Variants in GAREM1 observed in about 807,000 individuals in gnomAD.
The protein encoded by GAREM1 is GRB2-associated and regulator of MAPK protein 1.
In GAREM1, 26 loss-of-function variants were observed where a neutral mutation model predicts 71.3. That is an observed-to-expected ratio of 0.36 (90% confidence interval 0.27 to 0.51). The LOEUF is 0.51. GAREM1 is among the 20% of genes least tolerant of loss of function. The pLI, the probability that GAREM1 is intolerant of heterozygous loss-of-function variation, is 0.95. For synonymous variants in GAREM1, 440 were observed against 433.2 expected (o/e 1.02, Z -0.20); for missense variants, 1,026 against 1,103.1 (o/e 0.93, Z 0.99).
rs1346637573 is a variant in GAREM1, at chr18:32,401,573, G to C, written c.122-8538C>G. On this transcript the variant is annotated intron_variant, in intron 1 of 5. Transcript: ENST00000269209. ...TGAAGAATGAGTTGGGCTTAGATAA[G>C]AGAGAGGCAAAGGGGAACCACTGAA... Among the ~76,000 whole-genome samples, 4 of 152,006 alleles carry C rather than the reference G, an allele frequency of 2.6e-5. No homozygotes were observed. In the East Asian group the frequency reaches 7.7e-4, roughly 29 times the overall value.
chr18:32,340,783 G>C (rs1272196481), intron 2 of GAREM1, among the ~76,000 whole-genome samples: 1 of 152,094 alleles, frequency 6.6e-6, no homozygotes, highest in Non-Finnish European at 1.5e-5. Flanking sequence ...TAAAAGCCCA[G>C]GGCCATAAAG....
intron 1 of GAREM1, among the ~76,000 whole-genome samples, chr18:32,448,060 T>C (rs2144286877): frequency 6.6e-6 from 1 of 152,258 alleles, no homozygotes; most frequent in South Asian, 2.1e-4. Flanking sequence ...TAATAAAGAA[T>C]TGCTATGGTG....
chr18:32,353,302 G>A (rs911161608), intron 2 of GAREM1, among the ~76,000 whole-genome samples: 18 of 152,330 alleles, frequency 1.2e-4, no homozygotes, highest in Admixed American at 9.8e-4. Flanking sequence ...GGACACAGTA[G>A]TATGGCCTCC....
At chr18:32,328,255 G>C (rs2047492613) in intron 2 of GAREM1, among the ~76,000 whole-genome samples, 1 of 152,124 alleles carries the variant, frequency 6.6e-6, no homozygotes, top group Non-Finnish European at 1.5e-5. Flanking sequence ...TTTAAGATGA[G>C]TGATTTAGGA....
At chr18:32,362,429 C>T (rs1359170670) in intron 2 of GAREM1, among the ~76,000 whole-genome samples, 1 of 152,118 alleles carries the variant, frequency 6.6e-6, no homozygotes, top group Non-Finnish European at 1.5e-5. Context: ...TTTGAAATTA[C>T]ATATTTTCCT....
intron 1 of GAREM1, among the ~76,000 whole-genome samples, chr18:32,443,935 T>C (rs1436965811): frequency 6.6e-6 from 1 of 152,102 alleles, no homozygotes; most frequent in Non-Finnish European, 1.5e-5. Flanking sequence ...TATTCAGCCA[T>C]GAAAAGAAAT....
At chr18:32,294,106 A>C (rs1393903224) in intron 3 of GAREM1, among the ~76,000 whole-genome samples, 2 of 152,228 alleles carry the variant, frequency 1.3e-5, no homozygotes, top group Non-Finnish European at 2.9e-5. Context: ...CATCTGACCA[A>C]ATTGGAATCA....
chr18:32,409,643 C>A (rs1475946318), intron 1 of GAREM1, among the ~76,000 whole-genome samples: 2 of 152,150 alleles, frequency 1.3e-5, no homozygotes, highest in East Asian at 3.8e-4. Context: ...CCTTTCTGAA[C>A]AGTAGAATGA....
chr18:32,394,103 T>C (rs1234573820), intron 1 of GAREM1, among the ~76,000 whole-genome samples: 1 of 152,200 alleles, frequency 6.6e-6, no homozygotes, highest in Non-Finnish European at 1.5e-5. Flanking sequence ...AAAACAGTAA[T>C]GCAACAATCT....
At chr18:32,432,544 G>A (rs1335878436) in intron 1 of GAREM1, among the ~76,000 whole-genome samples, 2 of 152,074 alleles carry the variant, frequency 1.3e-5, no homozygotes, top group Non-Finnish European at 2.9e-5. Flanking sequence ...ATTGATAAAT[G>A]TCTGGCTGGA....
At chr18:32,414,727 AAAGGG>A (rs1374993415) in intron 1 of GAREM1, among the ~76,000 whole-genome samples, 1 of 152,158 alleles carries the variant, frequency 6.6e-6, no homozygotes, top group African/African-American at 2.4e-5. Flanking sequence ...AGCAGTGTTA[AAAGGG>A]AAGTTAATAG....
At chr18:32,272,905 A>G (rs2041483462) in intron 4 of GAREM1, among the ~76,000 whole-genome samples, 1 of 152,186 alleles carries the variant, frequency 6.6e-6, no homozygotes, top group African/African-American at 2.4e-5. Flanking sequence ...GAGGCTGAGA[A>G]CCAACCAGGA....
At chr18:32,306,735 T>C (rs1428078116) in intron 3 of GAREM1, among the ~76,000 whole-genome samples, 1 of 152,204 alleles carries the variant, frequency 6.6e-6, no homozygotes, top group Non-Finnish European at 1.5e-5. Flanking sequence ...GTAGTACTGA[T>C]ACTTGTTTAT....
intron 2 of GAREM1, among the ~76,000 whole-genome samples, chr18:32,341,181 A>C (rs1207526148): frequency 1.3e-5 from 2 of 151,960 alleles, no homozygotes; most frequent in African/African-American, 4.8e-5. Flanking sequence ...CCCTGTGTCC[A>C]AGTGTTCTCA....
At chr18:32,330,360 G>A (rs978974784) in intron 2 of GAREM1, among the ~76,000 whole-genome samples, 11 of 152,114 alleles carry the variant, frequency 7.2e-5, no homozygotes, top group Non-Finnish European at 1.6e-4. Flanking sequence ...TACTAGTTGT[G>A]GGGGGAGGGA....
At chr18:32,305,863 T>C (rs150112384) in intron 3 of GAREM1, among the ~76,000 whole-genome samples, 36 of 152,304 alleles carry the variant, frequency 2.4e-4, no homozygotes, top group Non-Finnish European at 4.7e-4. Flanking sequence ...TCACTCACTC[T>C]AGGGCACATT....
chr18:32,315,029 G>C (rs606638), intron 2 of GAREM1, among the ~76,000 whole-genome samples: 42,831 of 151,952 alleles, frequency 0.28, 7,542 homozygotes, highest in African/African-American at 0.5. Flanking sequence ...ATTTTATGAT[G>C]AGTATTTTAG....
intron 4 of GAREM1, among the ~76,000 whole-genome samples, chr18:32,282,008 C>G (rs2144447660): frequency 6.6e-6 from 1 of 152,288 alleles, no homozygotes; most frequent in East Asian, 1.9e-4. Flanking sequence ...AAAGCACCCC[C>G]ACTGAGCACC....
At chr18:32,363,995 C>CATATATATATATATATATATATAT (rs766095412) in intron 2 of GAREM1, among the ~76,000 whole-genome samples, 3 of 21,326 alleles carry the variant, frequency 1.4e-4, no homozygotes, top group Non-Finnish European at 2.5e-4. Flanking sequence ...TACATATATA[C>CATATATATATATATATATATATAT]ATATATATAT....
Sources: allele counts gnomAD v4.1 joint callset (sites outside exome capture counted in the v4.1 genomes callset), GRCh38; gene constraint gnomAD v4.1.1; transcripts MANE v1.5; gene names NCBI Gene and HGNC (gene_info 2026-07-23, HGNC 2026-07-21).